Variants in SORCS2 observed in about 807,000 individuals in gnomAD.
SORCS2 encodes the protein sortilin related VPS10 domain containing receptor 2.
Under a neutral mutation model 141.6 loss-of-function variants are expected in SORCS2, and 100 were observed. The ratio of observed to expected loss-of-function variants is 0.71; its 90% CI spans 0.60 to 0.83. The LOEUF (loss-of-function observed/expected upper bound fraction) is 0.83. Among genes scored for constraint, SORCS2 ranks in the 40% least tolerant of loss-of-function variants. The pLI is 0.00. For missense variants in SORCS2, 1,646 were observed against 1,560.2 expected (o/e 1.05, Z -0.93); for synonymous variants, 789 against 676.9 (o/e 1.17, Z -2.57).
chr4:7,450,423 G>A (rs1001080131), intron 2 of SORCS2, among the ~76,000 whole-genome samples: 2 of 152,216 alleles, frequency 1.3e-5, no homozygotes, highest in African/African-American at 2.4e-5. Context: ...AACCATCACG[G>A]TTGAGTGTCA....
chr4:7,621,459 GTGTTTA>G (rs1338124908), intron 3 of SORCS2, among the ~76,000 whole-genome samples: 3 of 146,736 alleles, frequency 2.0e-5, no homozygotes, highest in African/African-American at 7.6e-5. Flanking sequence ...GTCTGTGTGA[GTGTTTA>G]TGTGTGTGTC....
rs115371491 is a variant in SORCS2, at chr4:7,617,033, C to A, written c.649-21295C>A. On this transcript the variant is annotated intron_variant, in intron 3 of 26. Transcript: ENST00000507866. ...CTCTCCACACCAAAGGTGAGGAGCCCAGGGTTCAGCAACATGGACCTCGTG... is the reference window on the plus strand; with the variant it reads ...CTCTCCACACCAAAGGTGAGGAGCCAAGGGTTCAGCAACATGGACCTCGTG... Among the ~76,000 whole-genome samples, 184 of 152,354 alleles carry A rather than the reference C, an allele frequency of 1.2e-3. 2 individuals carry two copies. Among genetic ancestry groups the A allele is most frequent in the African/African-American group, 4.3e-3 (179 of 41,588 alleles).
At chr4:7,563,122 C>T (rs1714722625) in intron 3 of SORCS2, among the ~76,000 whole-genome samples, 1 of 152,164 alleles carries the variant, frequency 6.6e-6, no homozygotes, top group Non-Finnish European at 1.5e-5. Flanking sequence ...ACCCCTGGCC[C>T]TCTCTCTGCA....
intron 3 of SORCS2, among the ~76,000 whole-genome samples, chr4:7,536,604 G>A (rs960980927): frequency 8.5e-5 from 13 of 152,138 alleles, no homozygotes; most frequent in East Asian, 3.9e-4. Flanking sequence ...CTCCTCAGCC[G>A]TGCACGGCCC....
chr4:7,600,644 TACATATATATATACAC>T (rs1717598139), intron 3 of SORCS2, among the ~76,000 whole-genome samples: 1 of 106,246 alleles, frequency 9.4e-6, no homozygotes, highest in Non-Finnish European at 1.8e-5. Flanking sequence ...GATTACGATA[TACATATATATATACAC>T]ACACACACAC....
At chr4:7,686,907 C>T (rs1723915055) in intron 10 of SORCS2, among the ~76,000 whole-genome samples, 1 of 152,216 alleles carries the variant, frequency 6.6e-6, no homozygotes, top group African/African-American at 2.4e-5. Flanking sequence ...CAGTGGCCTG[C>T]AGGCCGTAAC....
chr4:7,562,053 G>A (rs1027025937), intron 3 of SORCS2, among the ~76,000 whole-genome samples: 2 of 152,188 alleles, frequency 1.3e-5, no homozygotes, highest in Admixed American at 6.5e-5. Flanking sequence ...TGGTGACTTA[G>A]CCCCTACCCC....
chr4:7,608,069 C>G (rs938317096), intron 3 of SORCS2, among the ~76,000 whole-genome samples: 1 of 152,266 alleles, frequency 6.6e-6, no homozygotes, highest in South Asian at 2.1e-4. Flanking sequence ...GAGGCCTCCA[C>G]AGTGCCCAAT....
At chr4:7,543,019 C>T (rs993664163) in intron 3 of SORCS2, among the ~76,000 whole-genome samples, 3 of 152,218 alleles carry the variant, frequency 2.0e-5, no homozygotes, top group Non-Finnish European at 4.4e-5. Flanking sequence ...GAGTGGCCTA[C>T]ATGGACAAGG....
chr4:7,382,716 G>A (rs972656885), intron 1 of SORCS2, among the ~76,000 whole-genome samples: 6 of 152,146 alleles, frequency 3.9e-5, no homozygotes, highest in Admixed American at 6.5e-5. Context: ...ATCAGCGTAC[G>A]GGGGCTGGAG....
chr4:7,519,552 G>A (rs1733192624), intron 2 of SORCS2, among the ~76,000 whole-genome samples: 1 of 152,192 alleles, frequency 6.6e-6, no homozygotes, highest in Non-Finnish European at 1.5e-5. Context: ...CCAGCACGTG[G>A]CGGCCACGGT....
chr4:7,461,729 T>C (rs1729324713), intron 2 of SORCS2, among the ~76,000 whole-genome samples: 1 of 152,174 alleles, frequency 6.6e-6, no homozygotes, highest in Non-Finnish European at 1.5e-5. Context: ...GCCCAGAGGC[T>C]TGGACAGGGC....
chr4:7,676,128 C>T lies in SORCS2; in HGVS notation c.1240C>T (p.Leu414=). 10 of 1,580,778 alleles carry T rather than the reference C, an allele frequency of 6.3e-6. No individual in the cohort carries two copies. Among genetic ancestry groups the T allele is most frequent in the Non-Finnish European group, 8.6e-6 (10 of 1,161,956 alleles). The part of the protein sequence containing the change: ...QEWYQMDTYN[L]YQSDPRGVRY... The stretch of plus-strand genomic sequence containing the variant: ...GTGGTACCAGATGGACACCTACAAC[C>T]TGTACCAGTCGGACCCACGGGGCGT... The change falls in exon 9 of 27, where the codon CTG becomes TTG. Residue 414 remains leucine (L), a synonymous_variant. Coordinates refer to ENST00000507866, the MANE Select transcript of SORCS2 (RefSeq NM_020777.3).
At chr4:7,675,795 T>C (rs1723065239) in intron 8 of SORCS2, among the ~76,000 whole-genome samples, 1 of 152,118 alleles carries the variant, frequency 6.6e-6, no homozygotes, top group Admixed American at 6.5e-5. Context: ...CAGGCCACCC[T>C]CCCATAACCC....
At chr4:7,592,552 C>T (rs571797136) in intron 3 of SORCS2, among the ~76,000 whole-genome samples, 1 of 152,336 alleles carries the variant, frequency 6.6e-6, no homozygotes, top group South Asian at 2.1e-4. Flanking sequence ...TCAGTGGTGA[C>T]AGTCACTTCA....
chr4:7,639,075 C>T (rs1720461770), intron 4 of SORCS2, among the ~76,000 whole-genome samples: 1 of 152,124 alleles, frequency 6.6e-6, no homozygotes, highest in South Asian at 2.1e-4. Flanking sequence ...GAGGGGCCCA[C>T]CTGGGTTCTG....
chr4:7,378,258 T>G (rs1384239554), intron 1 of SORCS2, among the ~76,000 whole-genome samples: 1 of 152,196 alleles, frequency 6.6e-6, no homozygotes, highest in African/African-American at 2.4e-5. Context: ...CTCTTCAGGC[T>G]AATGTGTATC....
chr4:7,616,853 G>A (rs1044324983), intron 3 of SORCS2, among the ~76,000 whole-genome samples: 8 of 152,224 alleles, frequency 5.3e-5, no homozygotes, highest in African/African-American at 1.4e-4. Context: ...TGGACGTTTG[G>A]AGGTGATTTC....
intron 1 of SORCS2, among the ~76,000 whole-genome samples, chr4:7,314,630 C>T (rs1718436267): frequency 6.6e-6 from 1 of 152,076 alleles, no homozygotes; most frequent in Non-Finnish European, 1.5e-5. Flanking sequence ...TGAGCCACCG[C>T]ACCCGGCCAA....
Sources: allele counts gnomAD v4.1 joint callset (sites outside exome capture counted in the v4.1 genomes callset), GRCh38; gene constraint gnomAD v4.1.1; transcripts MANE v1.5; gene names NCBI Gene and HGNC (gene_info 2026-07-23, HGNC 2026-07-21).